KCNN2: variants seen among roughly 807,000 people sequenced by gnomAD.
The protein encoded by KCNN2 is small conductance calcium-activated potassium channel protein 2.
Under a neutral mutation model 55.5 loss-of-function variants are expected in KCNN2, and 24 were observed. The ratio of observed to expected loss-of-function variants is 0.43; its 90% CI spans 0.31 to 0.61. The LOEUF is 0.61. Among genes scored for constraint, KCNN2 ranks in the 20% least tolerant of loss-of-function variants. The pLI is 0.08. For synonymous variants in KCNN2, 431 were observed against 336.1 expected, an observed-to-expected ratio of 1.28 and a Z score of -3.09; for missense variants, 754 against 853.6, an observed-to-expected ratio of 0.88 and a Z score of 1.45.
At chr5:114,125,285 A>C (rs1407055614) in intron 1 of KCNN2, among the ~76,000 whole-genome samples, 1 of 152,184 alleles carries the variant, frequency 6.6e-6, no homozygotes, top group Non-Finnish European at 1.5e-5. Flanking sequence ...ACTGTGTAGC[A>C]CTTTTCTTTG....
chr5:114,418,854 G>A (rs1759384822), intron 3 of KCNN2, among the ~76,000 whole-genome samples: 1 of 152,120 alleles, frequency 6.6e-6, no homozygotes, highest in African/African-American at 2.4e-5. Flanking sequence ...TGCTCACTAA[G>A]GTCTGCAGAA....
At chr5:114,157,725 A>G (rs11241268) in intron 1 of KCNN2, among the ~76,000 whole-genome samples, 127,957 of 152,110 alleles carry the variant, frequency 0.84, 54,308 homozygotes, top group East Asian at 0.95. Flanking sequence ...GTATCTCATT[A>G]TGGTTTTGAT....
At chr5:114,474,242 A>ATAT (rs1761875172) in intron 5 of KCNN2, among the ~76,000 whole-genome samples, 1 of 152,180 alleles carries the variant, frequency 6.6e-6, no homozygotes, top group African/African-American at 2.4e-5. Flanking sequence ...ATGCAAATAT[A>ATAT]TATTTATATA....
chr5:114,106,643 G>GTTTTT lies in KCNN2; in HGVS notation c.-271+50155_-271+50159dup, dbSNP rs149036166. ...TAATGGCACTGAGGATTTTCCAGTT[G>GTTTTT]TTTTTTTTTTTTTTTTGGTCATTTG... On this transcript the variant is annotated intron_variant, in intron 1 of 10. Transcript: ENST00000512097. Among the ~76,000 whole-genome samples, 213 of 69,874 alleles carry GTTTTT rather than the reference G, an allele frequency of 3.0e-3. 3 individuals carry two copies. Among genetic ancestry groups the GTTTTT allele is most frequent in the African/African-American group, 8.4e-3 (168 of 19,998 alleles). 45.8% of individuals were successfully genotyped at this position (69,874 alleles called of 152,430 possible).
intron 1 of KCNN2, among the ~76,000 whole-genome samples, chr5:114,115,201 A>G (rs574796193): frequency 2.0e-5 from 3 of 152,272 alleles, no homozygotes; most frequent in Admixed American, 1.3e-4. Context: ...TAAGCTTACA[A>G]GCAGCAAAAT....
chr5:114,324,162 G>A (rs530723295), intron 2 of KCNN2, among the ~76,000 whole-genome samples: 4 of 152,096 alleles, frequency 2.6e-5, no homozygotes, highest in African/African-American at 9.7e-5. Context: ...TTATTAGGAT[G>A]TATTCTTCAT....
At chr5:114,329,691 A>G (rs1368270747) in intron 2 of KCNN2, among the ~76,000 whole-genome samples, 2 of 152,134 alleles carry the variant, frequency 1.3e-5, no homozygotes, top group South Asian at 2.1e-4. Context: ...GTGTGAGTCA[A>G]TACTCCTTAA....
intron 3 of KCNN2, among the ~76,000 whole-genome samples, chr5:114,447,000 C>G (rs1456020799): frequency 6.6e-6 from 1 of 152,174 alleles, no homozygotes; most frequent in Non-Finnish European, 1.5e-5. Context: ...GCTCAGTAGA[C>G]ACATGTGGCT....
At chr5:114,174,248 G>T (rs1417096676) in intron 1 of KCNN2, among the ~76,000 whole-genome samples, 1 of 152,118 alleles carries the variant, frequency 6.6e-6, no homozygotes, top group Non-Finnish European at 1.5e-5. Flanking sequence ...GGCTTCATAA[G>T]ATACATGAAC....
chr5:114,220,931 A>G (rs1220706584), intron 1 of KCNN2, among the ~76,000 whole-genome samples: 1 of 152,248 alleles, frequency 6.6e-6, no homozygotes, highest in Non-Finnish European at 1.5e-5. Flanking sequence ...AAGAAATGTA[A>G]CAATGGAAAG....
chr5:114,335,848 G>A (rs1236625771), intron 2 of KCNN2, among the ~76,000 whole-genome samples: 2 of 152,146 alleles, frequency 1.3e-5, no homozygotes, highest in Non-Finnish European at 2.9e-5. Context: ...AATGAAAAGA[G>A]CTTCAAGAAA....
chr5:114,404,585 T>C lies in KCNN2; in HGVS notation c.1366T>C (p.Ser456Pro). 2 of 1,613,990 alleles carry C rather than the reference T, an allele frequency of 1.2e-6. No individual in the cohort carries two copies. The highest frequency in any genetic ancestry group is 1.7e-6 in the Non-Finnish European group (2 of 1,180,012). Residue 456 changes from serine to proline, a missense_variant, in exon 3 of 8, where the codon TCC (serine) becomes CCC (proline). Coordinates refer to ENST00000673685, the MANE Select transcript of KCNN2 (RefSeq NM_021614.4). ...CACATGGACGGCCCGGCTTGCCTTCTCCTATGCCCCATCCACAACCACCGC... is the reference window on the plus strand; with the variant it reads ...CACATGGACGGCCCGGCTTGCCTTCCCCTATGCCCCATCCACAACCACCGC... Reference protein sequence around the residue: ...TFTWTARLAFSYAPSTTTADV... With the variant: ...TFTWTARLAFPYAPSTTTADV...
chr5:114,427,069 C>G (rs1186785812), intron 3 of KCNN2, among the ~76,000 whole-genome samples: 7 of 152,086 alleles, frequency 4.6e-5, no homozygotes, highest in Non-Finnish European at 1.0e-4. Context: ...CACCAGCCAC[C>G]CACCTGCACC....
chr5:114,388,903 A>T (rs1580780216), intron 2 of KCNN2, among the ~76,000 whole-genome samples: 1 of 152,292 alleles, frequency 6.6e-6, no homozygotes, highest in East Asian at 1.9e-4. Flanking sequence ...ATTTGAAAAG[A>T]GGATCAATTA....
intron 1 of KCNN2, among the ~76,000 whole-genome samples, chr5:114,133,368 A>G (rs917129582): frequency 1.3e-5 from 2 of 152,204 alleles, no homozygotes; most frequent in African/African-American, 4.8e-5. Flanking sequence ...TAAAATTATA[A>G]TGATAATAGT....
rs540149837 is a variant in KCNN2, at chr5:114,201,861, C to A, written c.-270-19619C>A. Among the ~76,000 whole-genome samples, 4 of 151,960 alleles carry A rather than the reference C, an allele frequency of 2.6e-5. No individual in the cohort carries two copies. The South Asian group carries it at 6.2e-4, about 24-fold the overall frequency. Reference sequence around the variant, plus strand: ...TCTGTCCTTGGCTGTGTGACAGCTGCAGCCTTGTCAGCCCAATCTCAGACT... The same window carrying A: ...TCTGTCCTTGGCTGTGTGACAGCTGAAGCCTTGTCAGCCCAATCTCAGACT... On this transcript the variant is annotated intron_variant, in intron 1 of 10. Coordinates refer to the KCNN2 transcript ENST00000512097.
intron 2 of KCNN2, among the ~76,000 whole-genome samples, chr5:114,374,787 C>G (rs145537467): frequency 1.9e-3 from 289 of 152,252 alleles, no homozygotes; most frequent in Non-Finnish European, 3.2e-3. Context: ...GTAGACCATT[C>G]TAACAACTGA....
intron 1 of KCNN2, among the ~76,000 whole-genome samples, chr5:114,150,325 G>A (rs1012912861): frequency 3.9e-5 from 6 of 152,246 alleles, no homozygotes; most frequent in Middle Eastern, 3.4e-3. Context: ...ACAGAACAGA[G>A]TCCTCAGAAA....
intron 2 of KCNN2, among the ~76,000 whole-genome samples, chr5:114,270,598 A>G (rs998421828): frequency 1.3e-5 from 2 of 152,230 alleles, no homozygotes; most frequent in Non-Finnish European, 2.9e-5. Context: ...GGAATCATTA[A>G]GGACTAAATT....
Sources: gnomAD v4.1 joint callset for allele counts (sites outside exome capture counted in the v4.1 genomes callset) on GRCh38, gnomAD v4.1.1 for gene constraint, MANE v1.5 for transcripts, NCBI Gene and HGNC (gene_info 2026-07-23, HGNC 2026-07-21) for gene names.